MTFR1: variants seen among roughly 807,000 people sequenced by gnomAD.
MTFR1 encodes the protein mitochondrial fission regulator 1, also known as chondrocyte protein with a poly-proline region.
A neutral mutation model predicts 38.8 loss-of-function variants in MTFR1; 28 were observed. That is an observed-to-expected ratio of 0.72 (90% CI 0.53 to 0.99). The LOEUF (loss-of-function observed/expected upper bound fraction) is 0.99, where lower values mean the gene tolerates loss of function less well. Among genes scored for constraint, MTFR1 ranks in the 50% least tolerant of loss-of-function variants. The pLI, the probability that MTFR1 is intolerant of heterozygous loss-of-function variation, is 0.00. For missense variants in MTFR1, 358 were observed against 395.5 expected, an observed-to-expected ratio of 0.91 and a Z score of 0.81; for synonymous variants, 145 against 137.0, an observed-to-expected ratio of 1.06 and a Z score of -0.41.
At chr8:65,705,889 G>A (rs934152690) in intron 5 of MTFR1, among the ~76,000 whole-genome samples, 1 of 152,182 alleles carries the variant, frequency 6.6e-6, no homozygotes, top group African/African-American at 2.4e-5. Flanking sequence ...TTCTCACATT[G>A]GGGAGGAAAC....
intron 3 of MTFR1, among the ~76,000 whole-genome samples, chr8:65,767,831 T>C (rs1808869563): frequency 6.6e-6 from 1 of 152,152 alleles, no homozygotes; most frequent in Non-Finnish European, 1.5e-5. Flanking sequence ...AACTGGTAAA[T>C]ATAAGTGTTT....
intron 2 of MTFR1, among the ~76,000 whole-genome samples, chr8:65,677,408 G>C (rs1420985483): frequency 7.9e-6 from 1 of 127,204 alleles, no homozygotes; most frequent in African/African-American, 3.0e-5. Context: ...TTTTTGAGAC[G>C]GAGTCTTGCT....
chr8:65,687,653 T>C (rs1406003860), intron 3 of MTFR1, among the ~76,000 whole-genome samples: 1 of 150,472 alleles, frequency 6.6e-6, no homozygotes, highest in Non-Finnish European at 1.5e-5. Context: ...CCAGAATACA[T>C]TTTTAAAAAG....
At chr8:65,756,565 A>G (rs879649955) in intron 3 of MTFR1, among the ~76,000 whole-genome samples, 3 of 151,974 alleles carry the variant, frequency 2.0e-5, no homozygotes, top group Non-Finnish European at 4.4e-5. Flanking sequence ...CTACTTTTCA[A>G]TTCTAGAATT....
At chr8:65,748,279 C>T (rs1807780050) in intron 3 of MTFR1, among the ~76,000 whole-genome samples, 1 of 152,046 alleles carries the variant, frequency 6.6e-6, no homozygotes, top group Non-Finnish European at 1.5e-5. Flanking sequence ...AATGAGGTAT[C>T]ATTTCAAATA....
intron 3 of MTFR1, among the ~76,000 whole-genome samples, chr8:65,760,145 C>G (rs1479387285): frequency 6.6e-6 from 1 of 152,116 alleles, no homozygotes; most frequent in Non-Finnish European, 1.5e-5. Flanking sequence ...GAGGCTGAAA[C>G]AGGAGAATCA....
chr8:65,678,210 A>G (rs897662493), intron 2 of MTFR1, among the ~76,000 whole-genome samples: 3 of 152,102 alleles, frequency 2.0e-5, no homozygotes, highest in Non-Finnish European at 2.9e-5. Flanking sequence ...CAGCCTCCCA[A>G]TGCACAGATG....
intron 3 of MTFR1, among the ~76,000 whole-genome samples, chr8:65,744,566 T>TA (rs1807587689): frequency 6.6e-6 from 1 of 152,142 alleles, no homozygotes; most frequent in Admixed American, 6.5e-5. Context: ...AAACCACCCA[T>TA]ACTCTGTAGA....
intron 3 of MTFR1, among the ~76,000 whole-genome samples, chr8:65,767,690 C>T (rs1214358130): frequency 2.6e-5 from 4 of 152,112 alleles, no homozygotes; most frequent in African/African-American, 9.7e-5. Flanking sequence ...TGGGTGCTTC[C>T]ACATAGCTTA....
intron 1 of MTFR1, among the ~76,000 whole-genome samples, chr8:65,660,371 A>T (rs1809378988): frequency 6.6e-6 from 1 of 151,514 alleles, no homozygotes; most frequent in Admixed American, 6.6e-5. Flanking sequence ...GGTCTGAGGG[A>T]TGCTCAGATA....
chr8:65,647,094 A>C (rs1808980977), intron 1 of MTFR1, among the ~76,000 whole-genome samples: 2 of 152,214 alleles, frequency 1.3e-5, no homozygotes, highest in Admixed American at 1.3e-4. Context: ...GACATGATCA[A>C]AGTTATCTTA....
At chr8:65,707,388 C>A in intron 6 of MTFR1, 132 bp downstream of exon 6, 1 of 921,722 alleles carries the variant, frequency 1.1e-6, no homozygotes, top group African/African-American at 1.7e-5. Context: ...AGATGAGCCC[C>A]AGTGGCTTCT....
At chr8:65,673,564 C>T (rs1010479328) in intron 2 of MTFR1, among the ~76,000 whole-genome samples, 2 of 151,282 alleles carry the variant, frequency 1.3e-5, no homozygotes, top group Non-Finnish European at 2.9e-5. Context: ...TTTAACAAAC[C>T]TGCACGTTCT....
rs1804819303 is a variant in MTFR1, at chr8:65,679,692, ATGTT to A, written c.67-2656_67-2653del. The A allele has an allele frequency of 2.0e-5, 3 of 152,104 alleles. No individual in the cohort carries two copies. In the South Asian group the frequency reaches 6.2e-4, roughly 32 times the overall value. 9.4% of individuals were successfully genotyped at this position (152,104 alleles called of 1,614,324 possible). A position where few individuals can be genotyped will look rare whatever the true frequency, so the allele number is the denominator to read the frequency against. ...AATACTGTCTTAGAATTATTTGCCC[ATGTT>A]TGTTCTTTTTTTGGTGGGTAGTCTG... On this transcript the variant is annotated intron_variant, in intron 2 of 7. Transcript: ENST00000262146.
intron 3 of MTFR1, among the ~76,000 whole-genome samples, chr8:65,691,651 G>T (rs545145564): frequency 6.6e-6 from 1 of 151,880 alleles, no homozygotes; most frequent in East Asian, 1.9e-4. Flanking sequence ...CATGTTTTTG[G>T]ATTTTGGTTT....
intron 3 of MTFR1, among the ~76,000 whole-genome samples, chr8:65,683,702 G>A (rs537728124): frequency 6.6e-6 from 1 of 152,084 alleles, no homozygotes; most frequent in African/African-American, 2.4e-5. Flanking sequence ...GTAAATGGAG[G>A]TGAAATCTGT....
At chr8:65,711,445 AGACAG>A (rs1805942819), downstream of MTFR1, among the ~76,000 whole-genome samples, 1 of 152,242 alleles carries the variant, frequency 6.6e-6, no homozygotes, top group East Asian at 1.9e-4. Flanking sequence ...AGAATCTGGC[AGACAG>A]AAGTTTAAAC....
intron 3 of MTFR1, among the ~76,000 whole-genome samples, chr8:65,744,128 C>T (rs555170326): frequency 6.6e-6 from 1 of 152,240 alleles, no homozygotes; most frequent in East Asian, 1.9e-4. Context: ...CCACCACGCC[C>T]AGCCTAGCTG....
At chr8:65,731,215 A>G (rs1411356801) in intron 3 of MTFR1, among the ~76,000 whole-genome samples, 2 of 152,176 alleles carry the variant, frequency 1.3e-5, no homozygotes, top group Non-Finnish European at 2.9e-5. Flanking sequence ...GTCACTAGCA[A>G]TTAGCATCTA....
Sources: allele counts gnomAD v4.1 joint callset (sites outside exome capture counted in the v4.1 genomes callset), GRCh38; gene constraint gnomAD v4.1.1; transcripts MANE v1.5; gene names NCBI Gene and HGNC (gene_info 2026-07-23, HGNC 2026-07-21).